DOK6: variants seen among roughly 807,000 people sequenced by gnomAD.
DOK6 encodes downstream of tyrosine kinase 6.
In DOK6, 22 loss-of-function variants were observed where a neutral mutation model predicts 44.0. That is an observed-to-expected ratio of 0.50 (90% CI 0.36 to 0.71). The LOEUF is 0.71. Among genes scored for constraint, DOK6 ranks in the 30% least tolerant of loss-of-function variants. The pLI is 0.00. For synonymous variants in DOK6, 166 were observed against 145.5 expected, an observed-to-expected ratio of 1.14 and a Z score of -1.01; for missense variants, 340 against 416.4, an observed-to-expected ratio of 0.82 and a Z score of 1.60.
chr18:69,613,956 A>AT (rs1160366431), intron 3 of DOK6, among the ~76,000 whole-genome samples: 2 of 144,916 alleles, frequency 1.4e-5, no homozygotes, highest in Non-Finnish European at 3.0e-5. Flanking sequence ...TTAATCTTTT[A>AT]TTTTTTATTT....
At chr18:69,700,440 T>A (rs1221059469) in intron 5 of DOK6, among the ~76,000 whole-genome samples, 1 of 152,064 alleles carries the variant, frequency 6.6e-6, no homozygotes, top group Non-Finnish European at 1.5e-5. Context: ...AACAAGTCAT[T>A]TTCTTTCATG....
chr18:69,586,795 G>A (rs539455195), intron 2 of DOK6, among the ~76,000 whole-genome samples: 8 of 152,274 alleles, frequency 5.3e-5, no homozygotes, highest in South Asian at 2.1e-4. Flanking sequence ...GACAGGGCTC[G>A]TTGACAAGGA....
intron 3 of DOK6, among the ~76,000 whole-genome samples, chr18:69,635,822 T>C (rs1984793654): frequency 6.6e-6 from 1 of 152,040 alleles, no homozygotes; most frequent in African/African-American, 2.4e-5. Flanking sequence ...ATGTTGGGGG[T>C]TTCTTTGGAT....
intron 1 of DOK6, among the ~76,000 whole-genome samples, chr18:69,505,600 C>G (rs1039493714): frequency 1.4e-5 from 2 of 147,512 alleles, no homozygotes; most frequent in Admixed American, 7.0e-5. Flanking sequence ...CAGGTTCAAG[C>G]GATTCTCCTG....
chr18:69,579,772 G>A (rs1336769117), intron 2 of DOK6, among the ~76,000 whole-genome samples: 2 of 151,944 alleles, frequency 1.3e-5, no homozygotes, highest in Non-Finnish European at 1.5e-5. Context: ...TAGTGGAGAC[G>A]GGATTTTCAG....
intron 4 of DOK6, among the ~76,000 whole-genome samples, chr18:69,685,637 A>T (rs984136805): frequency 6.6e-6 from 1 of 152,170 alleles, no homozygotes; most frequent in African/African-American, 2.4e-5. Flanking sequence ...CTATTTTAAC[A>T]ATTCTAGTGA....
intron 1 of DOK6, among the ~76,000 whole-genome samples, chr18:69,455,019 C>T (rs1979586129): frequency 6.8e-6 from 1 of 147,316 alleles, no homozygotes; most frequent in Non-Finnish European, 1.5e-5. Flanking sequence ...TGTAACTAAC[C>T]TGCACAATGT....
chr18:69,575,992 T>C (rs981820764), intron 2 of DOK6, among the ~76,000 whole-genome samples: 15 of 152,140 alleles, frequency 9.9e-5, no homozygotes, highest in Admixed American at 9.8e-4. Flanking sequence ...AATATACTCT[T>C]GCTCTTACAA....
At chr18:69,820,195 A>G (rs774607033) in intron 7 of DOK6, among the ~76,000 whole-genome samples, 10 of 152,336 alleles carry the variant, frequency 6.6e-5, no homozygotes, top group Admixed American at 2.0e-4. Context: ...ATTGTGAATA[A>G]TGTTTAGGCC....
chr18:69,497,191 C>T (rs954286702), intron 1 of DOK6, among the ~76,000 whole-genome samples: 7 of 152,090 alleles, frequency 4.6e-5, no homozygotes, highest in East Asian at 1.9e-4. Context: ...TGGAAAGCTA[C>T]GCATAAGATT....
intron 3 of DOK6, among the ~76,000 whole-genome samples, chr18:69,623,068 T>C (rs1316751689): frequency 1.3e-5 from 2 of 152,298 alleles, no homozygotes; most frequent in African/African-American, 2.4e-5. Context: ...GGTGGACTTC[T>C]CCCTTACTGT....
intron 3 of DOK6, among the ~76,000 whole-genome samples, chr18:69,647,889 G>A (rs1985124839): frequency 6.6e-6 from 1 of 152,140 alleles, no homozygotes; most frequent in African/African-American, 2.4e-5. Context: ...CCCGCCGGCA[G>A]GGATATGTTA....
chr18:69,441,891 A>T (rs575526036), intron 1 of DOK6, among the ~76,000 whole-genome samples: 1 of 152,232 alleles, frequency 6.6e-6, no homozygotes, highest in Admixed American at 6.6e-5. Context: ...GGCATTTTGG[A>T]TATTGAGAGA....
At chr18:69,717,162 G>A (rs1030343260) in intron 5 of DOK6, among the ~76,000 whole-genome samples, 1 of 152,148 alleles carries the variant, frequency 6.6e-6, no homozygotes, top group South Asian at 2.1e-4. Context: ...TGCAGCACAG[G>A]TGGAGAGATT....
At chr18:69,525,507 G>A (rs1203865348) in intron 1 of DOK6, among the ~76,000 whole-genome samples, 1 of 151,986 alleles carries the variant, frequency 6.6e-6, no homozygotes, top group East Asian at 1.9e-4. Context: ...AGATGAATGA[G>A]TAATTATTCT....
chr18:69,512,303 G>A (rs984034880), intron 1 of DOK6, among the ~76,000 whole-genome samples: 13 of 143,668 alleles, frequency 9.0e-5, no homozygotes, highest in African/African-American at 3.2e-4. Flanking sequence ...TTTAGGTCAA[G>A]CCAACCCCTT....
intron 1 of DOK6, among the ~76,000 whole-genome samples, chr18:69,558,760 A>G (rs917047412): frequency 6.6e-6 from 1 of 152,194 alleles, no homozygotes; most frequent in African/African-American, 2.4e-5. Context: ...AACTACATGC[A>G]ACTTGATATC....
At chr18:69,485,171 C>G (rs1980538223) in intron 1 of DOK6, among the ~76,000 whole-genome samples, 1 of 152,072 alleles carries the variant, frequency 6.6e-6, no homozygotes, top group South Asian at 2.1e-4. Context: ...TTTGTGGAAT[C>G]AACTGTTCAA....
chr18:69,411,445 C>T (rs1281243686), intron 1 of DOK6, among the ~76,000 whole-genome samples: 1 of 152,116 alleles, frequency 6.6e-6, no homozygotes, highest in Non-Finnish European at 1.5e-5. Context: ...GTACTGTATG[C>T]TTCCACAGGC....
Sources: gnomAD v4.1 joint callset for allele counts (sites outside exome capture counted in the v4.1 genomes callset) on GRCh38, gnomAD v4.1.1 for gene constraint, MANE v1.5 for transcripts, NCBI Gene and HGNC (gene_info 2026-07-23, HGNC 2026-07-21) for gene names.